Variants in HEG1 observed in about 807,000 individuals in gnomAD.
HEG1 encodes heart development protein with EGF like domains 1.
Under a neutral mutation model 125.6 loss-of-function variants are expected in HEG1, and 56 were observed. The observed-to-expected ratio is 0.45, with a 90% CI of 0.36 to 0.56. HEG1 has a LOEUF of 0.56. Ranked by LOEUF, HEG1 falls within the 20% of genes least tolerant of loss-of-function variation. The probability of loss-of-function intolerance (pLI) is 0.00; values close to 1 mark genes in which losing one functional copy is unlikely to be tolerated. For synonymous variants in HEG1, 644 were observed against 668.5 expected (o/e 0.96, Z 0.57); for missense variants, 1,523 against 1,670.0 (o/e 0.91, Z 1.53).
intron 15 of HEG1, among the ~76,000 whole-genome samples, chr3:124,974,737 T>G (rs1936504770): frequency 6.6e-6 from 1 of 152,218 alleles, no homozygotes; most frequent in Admixed American, 6.5e-5. Context: ...AATCTTTTTC[T>G]TTCTACCTCA....
intron 1 of HEG1, among the ~76,000 whole-genome samples, chr3:125,048,052 G>C (rs543459376): frequency 3.9e-5 from 6 of 152,192 alleles, no homozygotes; most frequent in African/African-American, 1.2e-4. Context: ...CTTCAGTGAG[G>C]TCAGATCCTC....
intron 5 of HEG1, 119 bp downstream of exon 5, chr3:125,019,143 C>T (rs752176588): frequency 6.2e-6 from 5 of 812,958 alleles, no homozygotes; most frequent in African/African-American, 1.7e-5. Flanking sequence ...GCTGGGATTA[C>T]AGGCGTGAGC....
chr3:124,990,659 G>A, intron 14 of HEG1, 128 bp downstream of exon 14: 1 of 876,258 alleles, frequency 1.1e-6, no homozygotes, highest in Non-Finnish European at 1.8e-6. Flanking sequence ...TTTCCCCCAT[G>A]CCATTGGCAT....
chr3:124,995,485 C>A (rs1006438669), intron 12 of HEG1, among the ~76,000 whole-genome samples: 13 of 152,198 alleles, frequency 8.5e-5, no homozygotes, highest in African/African-American at 3.1e-4. Flanking sequence ...CTGCAGAGAA[C>A]ATAGAGACTT....
In HEG1 at chr3:124,970,696, G is replaced by T; in HGVS notation, c.4102C>A (p.Pro1368Thr). The change falls in exon 17 of 17, where the codon CCG becomes ACG. Residue 1368 changes from proline (P) to threonine (T), a missense_variant. Transcript: ENST00000311127. The stretch of plus-strand genomic sequence containing the variant: ...CTGCTTTCATCACTGATGAAAGACG[G>T]GTTATACTGTCCGGGGAAAATGCAA... ...HSCIFPGQYN[P>T]SFISDESRRR... The T allele has an allele frequency of 6.2e-7, 1 of 1,608,224 alleles. No individual in the cohort carries two copies. Among genetic ancestry groups the T allele is most frequent in the Non-Finnish European group, 8.5e-7 (1 of 1,177,316 alleles).
intron 14 of HEG1, among the ~76,000 whole-genome samples, chr3:124,987,850 A>G (rs1358010994): frequency 1.3e-5 from 2 of 149,320 alleles, no homozygotes; most frequent in Admixed American, 1.3e-4. Context: ...ATATCTTAGG[A>G]TCAGGTCCGC....
intron 5 of HEG1, among the ~76,000 whole-genome samples, chr3:125,018,447 G>A (rs1488073715): frequency 6.6e-6 from 1 of 152,150 alleles, no homozygotes; most frequent in East Asian, 1.9e-4. Flanking sequence ...ATTAGACAGT[G>A]GTGATGCTGC....
intron 3 of HEG1, among the ~76,000 whole-genome samples, chr3:125,025,640 T>G (rs1937405720): frequency 6.6e-6 from 1 of 152,220 alleles, no homozygotes; most frequent in African/African-American, 2.4e-5. Context: ...ATTTTTCAAA[T>G]ATACCACCAA....
chr3:124,997,467 G>C (rs1450806686), intron 12 of HEG1, among the ~76,000 whole-genome samples: 1 of 152,212 alleles, frequency 6.6e-6, no homozygotes, highest in Non-Finnish European at 1.5e-5. Flanking sequence ...GTCTTCCTTT[G>C]AATTTAATTG....
rs1029293260 is a variant in HEG1, at chr3:124,966,374, C to A, written c.*4278G>T. On this transcript the variant is annotated 3_prime_UTR_variant, in exon 17 of 17. Transcript: ENST00000311127. ...TAACGCTAATGAAGATACTTTACTA[C>A]AACAAATTAATTGGCATTTAATACT... is the stretch of plus-strand genomic sequence containing the variant. The A allele has an allele frequency of 2.0e-5, 3 of 152,102 alleles. No individual in the cohort carries two copies. The highest frequency in any genetic ancestry group is 2.0e-4 in the Admixed American group (3 of 15,272). The allele number at this position is 152,102 out of a possible 1,614,324, so 9.4% of individuals were successfully genotyped here. A position where few individuals can be genotyped will look rare whatever the true frequency, so the allele number is the denominator to read the frequency against.
At chr3:124,997,115 G>A (rs1348687945) in intron 12 of HEG1, among the ~76,000 whole-genome samples, 2 of 152,202 alleles carry the variant, frequency 1.3e-5, no homozygotes, top group East Asian at 1.9e-4. Context: ...AAGAGCAGAT[G>A]CTGACAGCTT....
chr3:125,019,613 G>C lies in HEG1; in HGVS notation c.1253-16C>G. The C allele has an allele frequency of 1.3e-6, 2 of 1,582,168 alleles. No homozygotes were observed. The highest frequency in any genetic ancestry group is 1.7e-6 in the Non-Finnish European group (2 of 1,157,900). ...TCTCCAAAGGCTGTAAGGTAATATA[G>C]GAAAAAAAGGCCATTACATAGGTAT... On this transcript the variant is annotated splice_polypyrimidine_tract_variant and intron_variant, in intron 4 of 16. Coordinates refer to ENST00000311127, the MANE Select transcript of HEG1 (RefSeq NM_020733.2).
At chr3:125,011,471 G>A (rs1369182275) in intron 6 of HEG1, among the ~76,000 whole-genome samples, 5 of 152,320 alleles carry the variant, frequency 3.3e-5, no homozygotes, top group African/African-American at 1.2e-4. Flanking sequence ...ATGGCTTTAA[G>A]GGAGACTTGT....
rs528146126 is a variant in HEG1, at chr3:125,029,835, T to C, written c.317-347A>G. Among the ~76,000 whole-genome samples the C allele has an allele frequency of 5.9e-5, 9 of 152,326 alleles. No individual in the cohort carries two copies. The East Asian group carries it at 1.5e-3, about 26-fold the overall frequency. ...TGAACCCAAGAGGCAGAGGTTGCGG[T>C]GAGCCAAGAACGTGCCATTGCACTC... On this transcript the variant is annotated intron_variant, in intron 1 of 16. Transcript: ENST00000311127.
At chr3:124,971,016 G>T in intron 16 of HEG1, 1 of 618,226 alleles carries the variant, frequency 1.6e-6, no homozygotes, top group Non-Finnish European at 2.9e-6. Flanking sequence ...CATGCAGAAG[G>T]CAACTGATGC....
In HEG1 at chr3:125,009,806, G is replaced by T; in HGVS notation, c.3092C>A (p.Ser1031Ter). 3.7e-6 allele frequency: 6 copies of T among 1,613,262 alleles called. No individual in the cohort carries two copies. The highest frequency in any genetic ancestry group is 4.5e-5 in the East Asian group (2 of 44,876). The change falls in exon 8 of 17, where the codon TCG becomes TAG. Residue 1031 changes from serine (S) to a stop codon, truncating the protein, a stop_gained. Coordinates refer to ENST00000311127, the MANE Select transcript of HEG1 (RefSeq NM_020733.2). LOFTEE classifies it high-confidence loss of function. The part of the protein sequence containing the change: ...DCSVDVNECL[S>*]NPCPSTAMCN... Reference sequence around the variant, plus strand: ...CATGGCTGTGGATGGGCAGGGGTTCGACAGGCACTCATTCACATCTGTAGA... The same window carrying T: ...CATGGCTGTGGATGGGCAGGGGTTCTACAGGCACTCATTCACATCTGTAGA...
At chr3:125,044,902 T>C (rs533852417) in intron 1 of HEG1, among the ~76,000 whole-genome samples, 131 of 152,294 alleles carry the variant, frequency 8.6e-4, no homozygotes, top group Admixed American at 1.6e-3. Flanking sequence ...TGATGTCCTA[T>C]GTAACTCACT....
chr3:125,014,695 C>A (rs1560026065), intron 5 of HEG1: 1 of 1,242,026 alleles, frequency 8.1e-7, no homozygotes, highest in South Asian at 1.4e-5. Flanking sequence ...TTAAAAGAGA[C>A]TGTGGAAGAC....
intron 1 of HEG1, among the ~76,000 whole-genome samples, chr3:125,032,183 C>T (rs1462787033): frequency 6.6e-6 from 1 of 152,174 alleles, no homozygotes; most frequent in East Asian, 1.9e-4. Flanking sequence ...GGCTGCATCA[C>T]TTGCCAGTGC....
Sources: allele counts gnomAD v4.1 joint callset (sites outside exome capture counted in the v4.1 genomes callset), GRCh38; gene constraint gnomAD v4.1.1; transcripts MANE v1.5; gene names NCBI Gene and HGNC (gene_info 2026-07-23, HGNC 2026-07-21).